The following DPY19L1 variants were observed in gnomAD, a reference collection of about 807,000 sequenced individuals.
DPY19L1 encodes the protein dpy-19 like C-mannosyltransferase 1.
A neutral mutation model predicts 96.9 loss-of-function variants in DPY19L1; 35 were observed. The ratio of observed to expected loss-of-function variants is 0.36; its 90% confidence interval spans 0.28 to 0.48. DPY19L1 has a LOEUF of 0.48. Among genes scored for constraint, DPY19L1 ranks in the 20% least tolerant of loss-of-function variants. The probability of loss-of-function intolerance (pLI) is 0.99; values close to 1 mark genes in which losing one functional copy is unlikely to be tolerated. For missense variants in DPY19L1, 521 were observed against 777.9 expected (o/e 0.67, Z 3.93); for synonymous variants, 205 against 252.6 (o/e 0.81, Z 1.79).
chr7:34,952,295 G>A (rs1050303999), intron 13 of DPY19L1, among the ~76,000 whole-genome samples: 15 of 151,914 alleles, frequency 9.9e-5, no homozygotes. Context: ...TTATCCATTT[G>A]ATGACATATA....
At position 34,940,123 on chromosome 7, in the gene DPY19L1, T is replaced by C. The variant is rs546418069; in HGVS notation, c.1864+30A>G. The C allele has an allele frequency of 6.7e-4, 982 of 1,459,116 alleles. 22 individuals are homozygous for C. The South Asian group carries it at 0.01, about 15-fold the overall frequency. 90.4% of individuals were successfully genotyped at this position (1,459,116 alleles called of 1,614,324 possible). On this transcript the variant is annotated intron_variant, in intron 19 of 21. Transcript: ENST00000638088. Reference sequence around the variant, plus strand: ...TTGTGGGAAAAACAGCTAAATAATATGACTTTTTTTTTCTTTTTTTTTTTT... The same window carrying C: ...TTGTGGGAAAAACAGCTAAATAATACGACTTTTTTTTTCTTTTTTTTTTTT...
chr7:35,000,242 C>T (rs1197510306), intron 6 of DPY19L1, among the ~76,000 whole-genome samples: 1 of 152,140 alleles, frequency 6.6e-6, no homozygotes, highest in Non-Finnish European at 1.5e-5. Flanking sequence ...TGTTCGTATT[C>T]ACCACCAAAA....
chr7:34,961,686 C>T (rs1415649238), intron 10 of DPY19L1, among the ~76,000 whole-genome samples: 1 of 152,062 alleles, frequency 6.6e-6, no homozygotes, highest in Non-Finnish European at 1.5e-5. Context: ...CTGTGAAAGA[C>T]AGGACAATGA....
intron 1 of DPY19L1, among the ~76,000 whole-genome samples, chr7:35,035,520 T>G (rs1198386715): frequency 6.6e-6 from 1 of 152,268 alleles, no homozygotes; most frequent in Non-Finnish European, 1.5e-5. Flanking sequence ...TATATTTTAC[T>G]ACAAAGTGGT....
chr7:34,990,049 G>T, intron 6 of DPY19L1, 108 bp from the exon 7 acceptor site: 1 of 775,270 alleles, frequency 1.3e-6, no homozygotes, highest in Non-Finnish European at 2.0e-6. Context: ...AGATTTTATA[G>T]TCATACTAGA....
At chr7:34,956,509 A>T (rs113434869) in intron 11 of DPY19L1, among the ~76,000 whole-genome samples, 32,584 of 145,270 alleles carry the variant, frequency 0.22, 4,151 homozygotes, top group Non-Finnish European at 0.3. Context: ...AGAAATGGGT[A>T]TTTTTTTTTT....
chr7:35,034,241 G>T (rs967330958), intron 1 of DPY19L1, among the ~76,000 whole-genome samples: 3 of 152,188 alleles, frequency 2.0e-5, no homozygotes, highest in Admixed American at 6.5e-5. Flanking sequence ...TCTAATGGGT[G>T]TATCTTTTAC....
At chr7:34,943,173 C>T (rs1409608372) in intron 16 of DPY19L1, among the ~76,000 whole-genome samples, 2 of 152,136 alleles carry the variant, frequency 1.3e-5, no homozygotes, top group Admixed American at 1.3e-4. Flanking sequence ...TATCAATAAA[C>T]TGTTAATCCA....
At chr7:34,943,121 C>A (rs890267626) in intron 16 of DPY19L1, among the ~76,000 whole-genome samples, 2 of 152,150 alleles carry the variant, frequency 1.3e-5, no homozygotes, top group African/African-American at 4.8e-5. Flanking sequence ...TAGAGTAATA[C>A]CTGACACTTA....
chr7:34,950,122 G>A (rs1022141275), intron 13 of DPY19L1, among the ~76,000 whole-genome samples: 9 of 151,914 alleles, frequency 5.9e-5, no homozygotes, highest in Admixed American at 1.3e-4. Flanking sequence ...CACACTCATC[G>A]ACATCCCAAA....
chr7:34,988,173 A>G (rs1270277408), intron 7 of DPY19L1: 3 of 152,098 alleles, frequency 2.0e-5, no homozygotes, highest in Non-Finnish European at 4.4e-5. Flanking sequence ...AGAATTAAAA[A>G]CCATAGTATA....
intron 13 of DPY19L1, among the ~76,000 whole-genome samples, chr7:34,951,586 T>C (rs1019675977): frequency 7.9e-5 from 12 of 151,878 alleles, no homozygotes; most frequent in African/African-American, 2.9e-4. Flanking sequence ...TTTAAAAGCA[T>C]TGATCAGAAA....
chr7:35,005,468 A>T (rs1223140220), intron 6 of DPY19L1, among the ~76,000 whole-genome samples: 2 of 151,362 alleles, frequency 1.3e-5, no homozygotes, highest in Admixed American at 1.3e-4. Flanking sequence ...GGGAGACTAG[A>T]TGGGGGTAGC....
intron 8 of DPY19L1, among the ~76,000 whole-genome samples, chr7:34,970,587 C>A (rs1278634447): frequency 6.6e-6 from 1 of 152,066 alleles, no homozygotes; most frequent in African/African-American, 2.4e-5. Flanking sequence ...TCTCATAGAT[C>A]ATAGTCCAAA....
At chr7:35,002,395 T>C (rs1481827609) in intron 6 of DPY19L1, among the ~76,000 whole-genome samples, 2 of 151,798 alleles carry the variant, frequency 1.3e-5, no homozygotes, top group African/African-American at 4.8e-5. Context: ...TAAAATGTTC[T>C]AGAATGTAGA....
chr7:34,994,300 A>T (rs1233786893), intron 6 of DPY19L1, among the ~76,000 whole-genome samples: 1 of 152,160 alleles, frequency 6.6e-6, no homozygotes, highest in African/African-American at 2.4e-5. Context: ...TCACTGGAAC[A>T]TCTAGTTGCA....
At chr7:34,979,825 G>C (rs1450792469) in intron 7 of DPY19L1, among the ~76,000 whole-genome samples, 1 of 152,104 alleles carries the variant, frequency 6.6e-6, no homozygotes, top group African/African-American at 2.4e-5. Flanking sequence ...GTATATTCAG[G>C]AATGTCCATT....
At chr7:34,962,868 G>T (rs992488866) in intron 10 of DPY19L1, among the ~76,000 whole-genome samples, 1 of 152,034 alleles carries the variant, frequency 6.6e-6, no homozygotes, top group Non-Finnish European at 1.5e-5. Flanking sequence ...GGGGCAGGGG[G>T]TATATGGGAA....
In DPY19L1 at chr7:34,929,939, G is replaced by A. The variant is rs192057633; in HGVS notation, c.*1634C>T. Reference sequence around the variant, plus strand: ...ATCCCTGGGAGCTGCGGCTCTAGGCGCTGGCACAAGACTGGGGGGCGGTGC... The same window carrying A: ...ATCCCTGGGAGCTGCGGCTCTAGGCACTGGCACAAGACTGGGGGGCGGTGC... On this transcript the variant is annotated 3_prime_UTR_variant, in exon 22 of 22. Coordinates refer to ENST00000638088, the MANE Select transcript of DPY19L1 (RefSeq NM_001366673.1). 9 of 152,372 alleles carry A rather than the reference G, an allele frequency of 5.9e-5. No individual in the cohort carries two copies. Among genetic ancestry groups the A allele is most frequent in the East Asian group, 1.9e-4 (1 of 5,192 alleles). 9.4% of individuals were successfully genotyped at this position (152,372 alleles called of 1,614,324 possible). A position where few individuals can be genotyped will look rare whatever the true frequency, so the allele number is the denominator to read the frequency against.
Sources: gnomAD v4.1 joint callset for allele counts (sites outside exome capture counted in the v4.1 genomes callset) on GRCh38, gnomAD v4.1.1 for gene constraint, MANE v1.5 for transcripts, NCBI Gene and HGNC (gene_info 2026-07-23, HGNC 2026-07-21) for gene names.